Variants in COQ8A observed in about 807,000 individuals in gnomAD.
The protein encoded by COQ8A is atypical kinase COQ8A, mitochondrial.
In COQ8A, 51 loss-of-function variants were observed where a neutral mutation model predicts 65.0. The observed-to-expected ratio is 0.78, with a 90% CI of 0.63 to 0.99. The LOEUF is 0.99. Ranked by LOEUF, COQ8A falls within the 50% of genes least tolerant of loss-of-function variation. The pLI, the probability that COQ8A is intolerant of heterozygous loss-of-function variation, is 0.00. For synonymous variants in COQ8A, 371 were observed against 353.2 expected (o/e 1.05, Z -0.57); for missense variants, 940 against 875.0 (o/e 1.07, Z -0.94).
chr1:226,950,682 T>C (rs1348362555), intron 1 of COQ8A, among the ~76,000 whole-genome samples: 2 of 152,090 alleles, frequency 1.3e-5, no homozygotes, highest in African/African-American at 2.4e-5. Flanking sequence ...GTGGGCTGGT[T>C]CTGCTGCTCA....
intron 4 of COQ8A, among the ~76,000 whole-genome samples, chr1:226,974,623 G>A (rs372066928): frequency 3.9e-5 from 6 of 152,182 alleles, no homozygotes; most frequent in Non-Finnish European, 7.3e-5. Flanking sequence ...AGTCTGGGGC[G>A]GGAGGGCCTC....
intron 5 of COQ8A, among the ~76,000 whole-genome samples, chr1:226,980,436 C>T (rs1659617206): frequency 6.6e-6 from 1 of 152,226 alleles, no homozygotes; most frequent in Non-Finnish European, 1.5e-5. Context: ...CCTCCTCTGG[C>T]CTGGGGCAGT....
chr1:226,948,570 G>T (rs146925265), intron 1 of COQ8A, among the ~76,000 whole-genome samples: 193 of 152,296 alleles, frequency 1.3e-3, no homozygotes, highest in Middle Eastern at 6.8e-3. Flanking sequence ...TGAAAGAAAC[G>T]TTGAAAGAAA....
intron 1 of COQ8A, among the ~76,000 whole-genome samples, chr1:226,955,792 G>A (rs1657687544): frequency 1.7e-5 from 2 of 114,866 alleles, no homozygotes; most frequent in African/African-American, 7.4e-5. Context: ...ACTCTCCCTG[G>A]CTCCCACTCT....
Position 226,980,690 on chromosome 1 carries a change from C to T in COQ8A, c.731-1337C>T, listed in dbSNP as rs139710256. ...CTCCCAGGGCAGCTCAGCCTCTTCCCGCAGAGCTAACATCTCCCACCTTCA... is the reference window on the plus strand; with the variant it reads ...CTCCCAGGGCAGCTCAGCCTCTTCCTGCAGAGCTAACATCTCCCACCTTCA... On this transcript the variant is annotated intron_variant, in intron 5 of 14. Coordinates refer to ENST00000366777, the MANE Select transcript of COQ8A (RefSeq NM_020247.5). Among the ~76,000 whole-genome samples, 23 of 152,364 alleles carry T rather than the reference C, an allele frequency of 1.5e-4. No individual in the cohort carries two copies. The East Asian group carries it at 4.1e-3, about 27-fold the overall frequency.
At chr1:226,978,184 A>T (rs1659381380) in intron 5 of COQ8A, among the ~76,000 whole-genome samples, 1 of 139,830 alleles carries the variant, frequency 7.2e-6, no homozygotes, top group Non-Finnish European at 1.5e-5. Context: ...TACATCCTCC[A>T]CACACCCACC....
rs1657072290 is a variant in COQ8A at position 226,946,825 on chromosome 1, G to C, written c.-10+6426G>C. On this transcript the variant is annotated intron_variant, in intron 1 of 14. Transcript: ENST00000366777. This position sits in a 1 kb window ranked among gnomAD's most constrained non-coding sequence, Gnocchi z 5.3. ...GGTGATGCTAATAAAGGTTGGTGCT[G>C]GTGTTGAGTGTGGCAAGACTGAGGG... Among the ~76,000 whole-genome samples, 1 of 152,244 alleles carries C rather than the reference G, an allele frequency of 6.6e-6. No homozygotes were observed. Among genetic ancestry groups the C allele is most frequent in the Admixed American group, 6.5e-5 (1 of 15,282 alleles).
At chr1:226,964,763 G>A (rs1000571928) in intron 2 of COQ8A, among the ~76,000 whole-genome samples, 13 of 152,236 alleles carry the variant, frequency 8.5e-5, no homozygotes, top group African/African-American at 2.9e-4. Context: ...CACACAGTAG[G>A]TGCTCAGTGT....
At chr1:226,964,592 C>T (rs912441126) in intron 2 of COQ8A, among the ~76,000 whole-genome samples, 2 of 152,226 alleles carry the variant, frequency 1.3e-5, no homozygotes, top group Non-Finnish European at 2.9e-5. Context: ...GCTTCCCTCA[C>T]CCCTTGCTGG....
intron 12 of COQ8A, 60 bp downstream of exon 12, chr1:226,984,715 G>A (rs1029570392): frequency 3.2e-6 from 5 of 1,541,680 alleles, no homozygotes; most frequent in African/African-American, 2.7e-5. Context: ...AATGGGGCAC[G>A]TGAGGCCCTG....
chr1:226,984,707 T>G, intron 12 of COQ8A, 52 bp downstream of exon 12: 4 of 1,562,684 alleles, frequency 2.6e-6, no homozygotes, highest in Non-Finnish European at 3.5e-6. Flanking sequence ...CTTCTCCGAA[T>G]GGGGCACGTG....
chr1:226,977,782 AT>A (rs1287126650), intron 5 of COQ8A, among the ~76,000 whole-genome samples: 4 of 151,778 alleles, frequency 2.6e-5, no homozygotes, highest in Non-Finnish European at 5.9e-5. Context: ...CTGCCTGCAC[AT>A]CCACACGCCT....
intron 4 of COQ8A, among the ~76,000 whole-genome samples, chr1:226,968,728 A>G (rs769743427): frequency 1.1e-4 from 17 of 152,182 alleles, no homozygotes; most frequent in Non-Finnish European, 2.4e-4. Context: ...GTAGGTATTC[A>G]GCTATATAGA....
rs1175560222 is a variant in COQ8A, at chr1:226,961,574, T to C, written c.177+12T>C. On this transcript the variant is annotated intron_variant, in intron 2 of 14. Coordinates refer to ENST00000366777, the MANE Select transcript of COQ8A (RefSeq NM_020247.5). The stretch of plus-strand genomic sequence containing the variant: ...TGGGGAAGGTGCAGGTAAGGGGGCC[T>C]GGCAGTGGGAGGGGTGCTGGCAGGA... 4 of 1,603,252 alleles carry C rather than the reference T, an allele frequency of 2.5e-6. No individual in the cohort carries two copies. The highest frequency in any genetic ancestry group is 2.7e-5 in the African/African-American group (2 of 74,758).
At chr1:226,982,621 TC>T in intron 6 of COQ8A, 56 bp from the exon 7 acceptor site, 7 of 1,565,358 alleles carry the variant, frequency 4.5e-6, no homozygotes, top group Non-Finnish European at 5.3e-6. Flanking sequence ...CCCGCCCAGG[TC>T]CTGGGCGCAC....
Position 226,977,431 on chromosome 1 carries a change from G to T in COQ8A, c.656-18G>T. On this transcript the variant is annotated intron_variant, in intron 4 of 14. Coordinates refer to ENST00000366777, the MANE Select transcript of COQ8A (RefSeq NM_020247.5). ...AGCCCTGCGTGAGCACTGAGTGCCC[G>T]CCCCCTCCTCCTTGCAGGTCTGGCC... is the stretch of plus-strand genomic sequence containing the variant. 2 of 1,552,816 alleles carry T rather than the reference G, an allele frequency of 1.3e-6. No individual in the cohort carries two copies. Among genetic ancestry groups the T allele is most frequent in the East Asian group, 2.4e-5 (1 of 41,750 alleles).
At position 226,985,262 on chromosome 1, in the gene COQ8A, GGCT is replaced by G; in HGVS notation, c.1587_1589del (p.Ala530del). The G allele has an allele frequency of 6.2e-7, 1 of 1,613,634 alleles. No individual in the cohort carries two copies. ...CCTGTGCCTCTCCCCAGATCATCAG[GGCT>G]GCTGCCGACAGGGACAGGGAGACTG... On this transcript the variant is annotated inframe_deletion, in exon 14 of 15. Coordinates refer to ENST00000366777, the MANE Select transcript of COQ8A (RefSeq NM_020247.5).
chr1:226,985,057 C>T, intron 13 of COQ8A, 116 bp downstream of exon 13: 1 of 1,382,846 alleles, frequency 7.2e-7, no homozygotes, highest in Non-Finnish European at 1.0e-6. Context: ...CCCATCTGCG[C>T]TGCCTGCCCC....
intron 1 of COQ8A, among the ~76,000 whole-genome samples, chr1:226,960,554 T>G (rs1344967570): frequency 8.3e-4 from 1 of 1,200 alleles, no homozygotes; most frequent in Non-Finnish European, 1.9e-3. Context: ...GGTGGTGGTG[T>G]CAATGGTACT....
Sources: gnomAD v4.1 joint callset for allele counts (sites outside exome capture counted in the v4.1 genomes callset) on GRCh38, gnomAD v4.1.1 for gene constraint, Gnocchi (gnomAD v3.1) non-coding constraint, MANE v1.5 for transcripts, NCBI Gene and HGNC (gene_info 2026-07-23, HGNC 2026-07-21) for gene names.